MARCHF1: variants seen among roughly 807,000 people sequenced by gnomAD.
MARCHF1 encodes the protein membrane associated ring-CH-type finger 1.
In MARCHF1, 40 loss-of-function variants were observed where a neutral mutation model predicts 54.2. That is an observed-to-expected ratio of 0.74 (90% CI 0.57 to 0.96). The LOEUF (loss-of-function observed/expected upper bound fraction) is 0.96. MARCHF1 is among the 40% of genes least tolerant of loss of function. MARCHF1 has a pLI of 0.00. For missense variants in MARCHF1, 586 were observed against 656.5 expected, an observed-to-expected ratio of 0.89 and a Z score of 1.17; for synonymous variants, 236 against 236.3, an observed-to-expected ratio of 1.00 and a Z score of 0.01.
chr4:163,603,694 A>C (rs1474839976), intron 7 of MARCHF1, among the ~76,000 whole-genome samples: 1 of 152,150 alleles, frequency 6.6e-6, no homozygotes, highest in Non-Finnish European at 1.5e-5. Flanking sequence ...AGGCCATCAA[A>C]TGGAAACTTT....
intron 3 of MARCHF1, among the ~76,000 whole-genome samples, chr4:163,917,299 T>G (rs897300054): frequency 6.6e-6 from 1 of 152,168 alleles, no homozygotes; most frequent in African/African-American, 2.4e-5. Flanking sequence ...TGAAGTACAT[T>G]TGGTTTTCTA....
rs778800738 is a variant in MARCHF1, at chr4:163,900,339, C to CT, written c.-38-46171dup. 6.3e-3 allele frequency among the ~76,000 whole-genome samples: 923 copies of CT among 145,692 alleles called. 8 individuals are homozygous for CT. The highest frequency in any genetic ancestry group is 0.025 in the South Asian group (114 of 4,634). On this transcript the variant is annotated intron_variant, in intron 3 of 9. Transcript: ENST00000514618. ...TGTTCCTACCCACAGAGTATAGGTC[C>CT]TTTTTTTTTTTTAAAAAAACTCTCC...
intron 5 of MARCHF1, among the ~76,000 whole-genome samples, chr4:163,695,243 C>T (rs80152213): frequency 0.03 from 4,552 of 152,158 alleles, 81 homozygotes; most frequent in East Asian, 0.077. Context: ...ACTTTGGGAT[C>T]TTAAAGGCAA....
intron 1 of MARCHF1, chr4:164,189,176 T>C: frequency 1.8e-6 from 1 of 565,550 alleles, no homozygotes; most frequent in Non-Finnish European, 3.3e-6. Context: ...GAACATTTCA[T>C]CAAGTTGTAC....
chr4:164,274,764 T>C (rs1452848771), intron 1 of MARCHF1, among the ~76,000 whole-genome samples: 1 of 139,296 alleles, frequency 7.2e-6, no homozygotes. Context: ...GCAAGCTCCG[T>C]CTCCCGAGTT....
intron 2 of MARCHF1, among the ~76,000 whole-genome samples, chr4:164,105,793 C>T (rs925021566): frequency 7.5e-6 from 1 of 132,676 alleles, no homozygotes; most frequent in African/African-American, 3.1e-5. Context: ...AGAGCTTCTG[C>T]ACAGCAAAAG....
At chr4:163,573,795 C>A (rs1739934249) in intron 8 of MARCHF1, among the ~76,000 whole-genome samples, 1 of 151,930 alleles carries the variant, frequency 6.6e-6, no homozygotes, top group Non-Finnish European at 1.5e-5. Context: ...GTCTTTATAG[C>A]AGCATGATTT....
intron 2 of MARCHF1, among the ~76,000 whole-genome samples, chr4:164,008,787 T>C (rs1753352788): frequency 6.6e-6 from 1 of 151,634 alleles, no homozygotes; most frequent in African/African-American, 2.4e-5. Context: ...TTGAAACAAA[T>C]GAAAAGGAAT....
intron 3 of MARCHF1, among the ~76,000 whole-genome samples, chr4:163,949,670 G>T (rs1752094379): frequency 1.3e-5 from 2 of 152,228 alleles, no homozygotes; most frequent in Middle Eastern, 3.4e-3. Flanking sequence ...CTCTCTCCAG[G>T]CTGGTTGTCC....
chr4:163,550,278 T>C, intron 8 of MARCHF1, among the ~76,000 whole-genome samples: 1 of 55,340 alleles, frequency 1.8e-5, no homozygotes, highest in Admixed American at 2.6e-4. Flanking sequence ...CGAGACTCCG[T>C]CTCAAAAAAA....
intron 4 of MARCHF1, among the ~76,000 whole-genome samples, chr4:163,748,660 AGGT>A (rs1482113627): frequency 6.6e-6 from 1 of 152,192 alleles, no homozygotes; most frequent in African/African-American, 2.4e-5. Context: ...GCCCATTGCC[AGGT>A]GATCCATCCC....
At chr4:163,914,918 C>G (rs967111180) in intron 3 of MARCHF1, among the ~76,000 whole-genome samples, 1 of 152,118 alleles carries the variant, frequency 6.6e-6, no homozygotes, top group South Asian at 2.1e-4. Flanking sequence ...TTCGAGCTGC[C>G]GTGTTTTATA....
intron 5 of MARCHF1, among the ~76,000 whole-genome samples, chr4:163,670,971 T>C (rs1743716213): frequency 6.6e-6 from 1 of 152,226 alleles, no homozygotes; most frequent in Non-Finnish European, 1.5e-5. Context: ...ACCTAGCAAA[T>C]GGTAATGGAA....
At chr4:163,691,684 C>G (rs191735329) in intron 5 of MARCHF1, among the ~76,000 whole-genome samples, 2 of 152,250 alleles carry the variant, frequency 1.3e-5, no homozygotes, top group Admixed American at 1.3e-4. Context: ...AAGTTTCCTA[C>G]AAACTGTAAC....
intron 1 of MARCHF1, among the ~76,000 whole-genome samples, chr4:164,333,537 C>T (rs1365207579): frequency 6.6e-6 from 1 of 152,198 alleles, no homozygotes; most frequent in Non-Finnish European, 1.5e-5. Flanking sequence ...GCACCATGAA[C>T]TGTGCCCACA....
intron 2 of MARCHF1, among the ~76,000 whole-genome samples, chr4:164,067,716 C>A (rs556668403): frequency 6.6e-6 from 1 of 152,024 alleles, no homozygotes; most frequent in East Asian, 1.9e-4. Context: ...CAAAAAAAAC[C>A]AAAAATTGAT....
intron 4 of MARCHF1, among the ~76,000 whole-genome samples, chr4:163,748,406 C>CAAA (rs11315071): frequency 4.7e-5 from 6 of 128,190 alleles, no homozygotes; most frequent in Admixed American, 2.4e-4. Flanking sequence ...TAATTTCTAC[C>CAAA]AAAAAAAAAA....
At chr4:163,562,589 A>C (rs1002499944) in intron 8 of MARCHF1, among the ~76,000 whole-genome samples, 1 of 150,274 alleles carries the variant, frequency 6.7e-6, no homozygotes, top group East Asian at 2.0e-4. Flanking sequence ...GTCTCATCAC[A>C]CTCTCCCAAT....
In MARCHF1 at chr4:163,587,570, T is replaced by A. The variant is rs1740449932; in HGVS notation, c.1011-1641A>T. Among the ~76,000 whole-genome samples, 5 of 152,284 alleles carry A rather than the reference T, an allele frequency of 3.3e-5. No homozygotes were observed. In the South Asian group the frequency reaches 1.0e-3, roughly 32 times the overall value. On this transcript the variant is annotated intron_variant, in intron 7 of 9. Coordinates refer to ENST00000514618, the MANE Select transcript of MARCHF1 (RefSeq NM_001394959.1). ...TTATAAGTAGGAGCTAAATATTATG[T>A]ACAGAGGGACACAAAGATGGAAATA...
Sources: allele counts gnomAD v4.1 joint callset (sites outside exome capture counted in the v4.1 genomes callset), GRCh38; gene constraint gnomAD v4.1.1; transcripts MANE v1.5; gene names NCBI Gene and HGNC (gene_info 2026-07-23, HGNC 2026-07-21).